SECISBP2: variants seen among roughly 807,000 people sequenced by gnomAD.
SECISBP2 encodes the protein selenocysteine insertion sequence-binding protein 2.
A neutral mutation model predicts 98.2 loss-of-function variants in SECISBP2; 96 were observed. The observed-to-expected ratio is 0.98, with a 90% CI of 0.83 to 1.16. SECISBP2 has a LOEUF of 1.16. SECISBP2 is among the 50% of genes most tolerant of loss of function. SECISBP2 has a pLI of 0.00. For synonymous variants in SECISBP2, 407 were observed against 370.2 expected (o/e 1.10, Z -1.14); for missense variants, 1,046 against 1,022.9 (o/e 1.02, Z -0.31).
intron 5 of SECISBP2, 107 bp from the exon 6 acceptor site, chr9:89,332,801 T>C (rs1407958306): frequency 2.3e-6 from 2 of 883,502 alleles, no homozygotes; most frequent in East Asian, 5.1e-5. Context: ...TTACCAGCAA[T>C]GGATAAGGAT....
At chr9:89,365,319 T>C in the SECISBP2 span, 1 of 152,450 alleles carries the variant, frequency 6.6e-6, no homozygotes, top group Non-Finnish European at 1.5e-5. Flanking sequence ...CCTACTCTGC[T>C]GCTTCTGTCT....
intron 9 of SECISBP2, among the ~76,000 whole-genome samples, 177 bp from the exon 10 acceptor site, chr9:89,341,170 T>C (rs956163025): frequency 6.6e-6 from 1 of 152,250 alleles, no homozygotes; most frequent in African/African-American, 2.4e-5. Context: ...TAAACAACCA[T>C]GGTAATACTG....
chr9:89,324,750 T>C (rs1191825609), intron 2 of SECISBP2: 1 of 152,626 alleles, frequency 6.6e-6, no homozygotes, highest in Admixed American at 6.5e-5. Flanking sequence ...CTTAGCATTT[T>C]GTCATTGTAT....
chr9:89,331,774 T>C (rs931496566), intron 5 of SECISBP2, among the ~76,000 whole-genome samples: 6 of 152,230 alleles, frequency 3.9e-5, no homozygotes, highest in African/African-American at 1.2e-4. Context: ...CTTTAAGAAT[T>C]GTGTGGTGCA....
At chr9:89,336,421 A>ATTGTATACG (rs1402390757) in intron 7 of SECISBP2, among the ~76,000 whole-genome samples, 1 of 151,604 alleles carries the variant, frequency 6.6e-6, no homozygotes, top group African/African-American at 2.4e-5. Context: ...GTTGATTTTC[A>ATTGTATACG]TTGTATACGG....
chr9:89,331,575 G>A (rs905847305), intron 5 of SECISBP2, among the ~76,000 whole-genome samples: 1 of 151,836 alleles, frequency 6.6e-6, no homozygotes, highest in Non-Finnish European at 1.5e-5. Flanking sequence ...TAATATACTC[G>A]ACCCCCCCAT....
chr9:89,362,248 C>T, downstream of SECISBP2: 3 of 1,311,992 alleles, frequency 2.3e-6, no homozygotes, highest in Non-Finnish European at 3.3e-6. Context: ...CGCCTCTGCC[C>T]ATCAGGTGGT....
intron 14 of SECISBP2, among the ~76,000 whole-genome samples, chr9:89,351,918 C>T (rs539315434): frequency 3.3e-5 from 5 of 152,228 alleles, no homozygotes; most frequent in Non-Finnish European, 7.4e-5. Flanking sequence ...GTCAAGTAGT[C>T]CTATAGGGTT....
intron 12 of SECISBP2, among the ~76,000 whole-genome samples, chr9:89,348,708 C>T (rs1406835823): frequency 6.6e-6 from 1 of 152,268 alleles, no homozygotes; most frequent in East Asian, 1.9e-4. Flanking sequence ...CCAGCAATTG[C>T]TTGTGCCCTC....
intron 12 of SECISBP2, 116 bp from the exon 13 acceptor site, chr9:89,349,660 A>G: frequency 2.8e-6 from 3 of 1,080,006 alleles, no homozygotes; most frequent in Non-Finnish European, 4.3e-6. Flanking sequence ...GTTGTCTGTG[A>G]ATGTGGTGGT....
chr9:89,332,641 C>T, intron 5 of SECISBP2: 1 of 487,188 alleles, frequency 2.1e-6, no homozygotes, highest in South Asian at 2.2e-5. Context: ...CATCCATGTG[C>T]AGGTTTTTGT....
At chr9:89,329,818 A>T (rs1429674812) in intron 5 of SECISBP2, 1 of 152,208 alleles carries the variant, frequency 6.6e-6, no homozygotes, top group African/African-American at 2.4e-5. Context: ...CTCAGAAGGA[A>T]AAGGTTGTAA....
Position 89,328,882 on chromosome 9 carries a change from C to T in SECISBP2, c.797C>T (p.Ser266Leu), listed in dbSNP as rs554140618. Residue 266 changes from serine to leucine, a missense_variant, in exon 5 of 17, where the codon TCA becomes TTA. Transcript: ENST00000375807. ...GTAGTAAAACCAGCTGCAGTGTTAT[C>T]AAAGGTGAGGTGAGGGTTTCTCTCT... ...REVVKPAAVLSKGEIVVKNNP... is the reference protein window; with the variant it reads ...REVVKPAAVLLKGEIVVKNNP... The T allele has an allele frequency of 6.2e-7, 1 of 1,611,704 alleles. No individual in the cohort carries two copies. Among genetic ancestry groups the T allele is most frequent in the South Asian group, 1.1e-5 (1 of 90,982 alleles).
Position 89,348,147 on chromosome 9 carries a change from C to T in SECISBP2, c.1671C>T (p.Thr557=). The T allele has an allele frequency of 6.2e-7, 1 of 1,613,998 alleles. No homozygotes were observed. Among genetic ancestry groups the T allele is most frequent in the South Asian group, 1.1e-5 (1 of 91,076 alleles). ...AAAATGCTGTGAGTCCAGCTTTTAC[C>T]AGTGATGACACACAAGATGGAGAGA... is the stretch of plus-strand genomic sequence containing the variant. The part of the protein sequence containing the change: ...LQENAVSPAF[T]SDDTQDGESG... Residue 557 remains threonine (T), a synonymous_variant, in exon 12 of 17, where the codon ACC becomes ACT. Coordinates refer to ENST00000375807, the MANE Select transcript of SECISBP2 (RefSeq NM_024077.5).
chr9:89,349,892 A>G lies in SECISBP2; in HGVS notation c.1855A>G (p.Thr619Ala). ...TEASHLAPNH[T>A]TFPKIHSRRF... ...GGCCTCCCACCTTGCTCCCAATCAC[A>G]CCACCTTCCCTAAGATCCACAGCCG... The change falls in exon 13 of 17, where the codon ACC (threonine) becomes GCC (alanine). Residue 619 changes from threonine (T) to alanine (A), a missense_variant. Thr to Ala is a moderately conservative substitution (Grantham distance 58, BLOSUM62 0). Transcript: ENST00000375807. 6.2e-7 allele frequency: 1 copy of G among 1,614,140 alleles called. No homozygotes were observed. Among genetic ancestry groups the G allele is most frequent in the South Asian group, 1.1e-5 (1 of 91,074 alleles).
Position 89,347,068 on chromosome 9 carries a change from C to T in SECISBP2, c.1602+20C>T, listed in dbSNP as rs749098967. 25 of 1,611,570 alleles carry T rather than the reference C, an allele frequency of 1.6e-5. No individual in the cohort carries two copies. The Admixed American group carries it at 1.8e-4, about 12-fold the overall frequency. ...AAGAAGGTATGTGGGGTGTTTCAGC[C>T]GAAGTGAGGCACTAGAAAACTTAGT... is the stretch of plus-strand genomic sequence containing the variant. On this transcript the variant is annotated intron_variant, in intron 11 of 16. Coordinates refer to ENST00000375807, the MANE Select transcript of SECISBP2 (RefSeq NM_024077.5).
intron 10 of SECISBP2, 120 bp from the exon 11 acceptor site, chr9:89,346,761 TG>T: frequency 9.6e-7 from 1 of 1,041,954 alleles, no homozygotes; most frequent in Non-Finnish European, 1.5e-6. Context: ...GGGGACAAGC[TG>T]GGGGTGACTT....
chr9:89,358,845 G>A lies in SECISBP2; in HGVS notation c.*21G>A, dbSNP rs181112146. 3.6e-5 allele frequency: 54 copies of A among 1,519,672 alleles called. No individual in the cohort carries two copies. The highest frequency in any genetic ancestry group is 3.4e-4 in the East Asian group (15 of 44,428). 94.1% of individuals were successfully genotyped at this position (1,519,672 alleles called of 1,614,324 possible). On this transcript the variant is annotated 3_prime_UTR_variant, in exon 17 of 17. Transcript: ENST00000375807. ...TATGAGAGTTCTTGCCTGTGTGTCT[G>A]TATTTTGGGTAAGGAGGGGAGGTCT...
In SECISBP2 at chr9:89,318,874, A is replaced by G; in HGVS notation, c.36+262A>G. Reference sequence around the variant, plus strand: ...TCACCCAGCGCAGTGACTGCGGCCCAGCCCGGCGCTCCCCGCAGTCGGGGC... The same window carrying G: ...TCACCCAGCGCAGTGACTGCGGCCCGGCCCGGCGCTCCCCGCAGTCGGGGC... On this transcript the variant is annotated intron_variant, in intron 1 of 16. Transcript: ENST00000375807. 4.0e-6 allele frequency: 5 copies of G among 1,251,480 alleles called. No individual in the cohort carries two copies. The Admixed American group carries it at 1.3e-4, about 32-fold the overall frequency. The allele number at this position is 1,251,480 out of a possible 1,614,324, so 77.5% of individuals were successfully genotyped here. A position where few individuals can be genotyped will look rare whatever the true frequency, so the allele number is the denominator to read the frequency against.
Sources: gnomAD v4.1 joint callset for allele counts (sites outside exome capture counted in the v4.1 genomes callset) on GRCh38, gnomAD v4.1.1 for gene constraint, MANE v1.5 for transcripts, NCBI Gene and HGNC (gene_info 2026-07-23, HGNC 2026-07-21) for gene names.